CNTNAP3B: variants seen among roughly 807,000 people sequenced by gnomAD.
CNTNAP3B encodes contactin-associated protein-like 3B.
CNTNAP3B carries 25 observed loss-of-function variants against 108.9 expected under a neutral mutation model. The ratio of observed to expected loss-of-function variants is 0.23; its 90% confidence interval spans 0.17 to 0.32. CNTNAP3B has a LOEUF of 0.32. Among genes scored for constraint, CNTNAP3B ranks in the 10% least tolerant of loss-of-function variants. The pLI, the probability that CNTNAP3B is intolerant of heterozygous loss-of-function variation, is 1.00. For missense variants in CNTNAP3B, 252 were observed against 1,210.4 expected (o/e 0.21, Z 11.75); for synonymous variants, 103 against 473.4 (o/e 0.22, Z 10.16).
chr9:42,054,764 C>G (rs1827027584), intron 3 of CNTNAP3B, among the ~76,000 whole-genome samples: 2 of 151,660 alleles, frequency 1.3e-5, no homozygotes, highest in South Asian at 4.2e-4. Context: ...GTTACATCCA[C>G]TAATAAATGT....
At position 42,117,854 on chromosome 9, in the gene CNTNAP3B, G is replaced by A. The variant is rs1440278087; in HGVS notation, c.85+11156C>T. 5.0e-5 allele frequency among the ~76,000 whole-genome samples: 7 copies of A among 138,738 alleles called. 1 individual carries two copies. The highest frequency in any genetic ancestry group is 2.3e-4 in the South Asian group (1 of 4,266). 91.0% of individuals were successfully genotyped at this position (138,738 alleles called of 152,430 possible). Reference sequence around the variant, plus strand: ...AAATGACAAAGGGGATATCACCACCGATCCCACAGAAATACAAACTACCAT... The same window carrying A: ...AAATGACAAAGGGGATATCACCACCAATCCCACAGAAATACAAACTACCAT... On this transcript the variant is annotated intron_variant, in intron 1 of 23. Transcript: ENST00000377561.
chr9:41,969,679 G>A (rs1396601339), intron 10 of CNTNAP3B, among the ~76,000 whole-genome samples: 1 of 151,634 alleles, frequency 6.6e-6, no homozygotes, highest in Non-Finnish European at 1.5e-5. Flanking sequence ...GTGCAGTGGC[G>A]CGATCTCTGC....
intron 14 of CNTNAP3B, among the ~76,000 whole-genome samples, chr9:41,935,337 G>T (rs1383273441): frequency 6.6e-6 from 1 of 152,214 alleles, no homozygotes; most frequent in African/African-American, 2.4e-5. Flanking sequence ...CCCCATTAAC[G>T]GACATATGCC....
intron 13 of CNTNAP3B, among the ~76,000 whole-genome samples, chr9:41,942,877 C>T (rs1431974094): frequency 6.6e-6 from 1 of 152,198 alleles, no homozygotes; most frequent in Non-Finnish European, 1.5e-5. Context: ...TAACTACTAA[C>T]CAGATAAACA....
At chr9:41,935,631 A>T (rs569244205) in intron 14 of CNTNAP3B, among the ~76,000 whole-genome samples, 26 of 152,352 alleles carry the variant, frequency 1.7e-4, no homozygotes, top group South Asian at 8.3e-4. Context: ...ACACACCCCC[A>T]CATTTACAAA....
intron 17 of CNTNAP3B, among the ~76,000 whole-genome samples, chr9:41,920,992 A>T (rs1823651871): frequency 6.6e-6 from 1 of 152,304 alleles, no homozygotes; most frequent in Admixed American, 6.5e-5. Flanking sequence ...CTGTGTAGTG[A>T]CAAACACCAT....
At chr9:42,063,954 T>C (rs1827219770) in intron 3 of CNTNAP3B, among the ~76,000 whole-genome samples, 1 of 148,210 alleles carries the variant, frequency 6.7e-6, no homozygotes, top group Non-Finnish European at 1.5e-5. Flanking sequence ...TCCATACTTT[T>C]AAGTTTTGTT....
At chr9:41,967,422 A>C (rs187772115) in intron 10 of CNTNAP3B, among the ~76,000 whole-genome samples, 374 of 150,656 alleles carry the variant, frequency 2.5e-3, no homozygotes, top group Non-Finnish European at 4.1e-3. Flanking sequence ...TATCATTGTG[A>C]GGTCTCCCCA....
At chr9:41,930,933 C>A (rs938849096) in intron 14 of CNTNAP3B, among the ~76,000 whole-genome samples, 1 of 152,152 alleles carries the variant, frequency 6.6e-6, no homozygotes, top group Admixed American at 6.5e-5. Flanking sequence ...TAATAAAATG[C>A]TTATATTTAT....
chr9:41,965,149 T>G (rs1249616969), intron 10 of CNTNAP3B, among the ~76,000 whole-genome samples: 1 of 152,300 alleles, frequency 6.6e-6, no homozygotes, highest in African/African-American at 2.4e-5. Flanking sequence ...CAGTCGGTTA[T>G]TGCTTTTTAA....
chr9:41,935,782 G>A (rs1248735787), intron 14 of CNTNAP3B, among the ~76,000 whole-genome samples: 1 of 152,278 alleles, frequency 6.6e-6, no homozygotes, highest in Admixed American at 6.5e-5. Context: ...GAATGTAGGA[G>A]GGGAGTTAAT....
intron 14 of CNTNAP3B, among the ~76,000 whole-genome samples, chr9:41,932,761 GC>G (rs1824019417): frequency 6.6e-6 from 1 of 151,890 alleles, no homozygotes; most frequent in African/African-American, 2.4e-5. Flanking sequence ...TTCATGATCT[GC>G]CCGCCTTGGC....
chr9:42,000,209 CA>C (rs1488690746), intron 4 of CNTNAP3B, among the ~76,000 whole-genome samples: 1 of 114,900 alleles, frequency 8.7e-6, no homozygotes, highest in Non-Finnish European at 1.8e-5. Flanking sequence ...AATGTACTTA[CA>C]AGGAATTAAT....
chr9:41,926,462 AT>A (rs1823822155), intron 15 of CNTNAP3B, among the ~76,000 whole-genome samples: 1 of 152,296 alleles, frequency 6.6e-6, no homozygotes, highest in South Asian at 2.1e-4. Flanking sequence ...TCATTAATCA[AT>A]TTATTTATTT....
intron 3 of CNTNAP3B, among the ~76,000 whole-genome samples, chr9:42,053,804 C>T (rs1409923524): frequency 8.3e-5 from 12 of 143,806 alleles, no homozygotes; most frequent in African/African-American, 1.3e-4. Flanking sequence ...AGAAGAAAGC[C>T]GGATTAAAGT....
chr9:41,928,666 T>A (rs1323433325), intron 15 of CNTNAP3B, among the ~76,000 whole-genome samples: 3 of 152,204 alleles, frequency 2.0e-5, no homozygotes, highest in African/African-American at 7.2e-5. Flanking sequence ...ATACATTTAG[T>A]CTCAGACTTC....
chr9:42,054,412 T>TA (rs1827016678), intron 3 of CNTNAP3B, among the ~76,000 whole-genome samples: 1 of 151,016 alleles, frequency 6.6e-6, no homozygotes, highest in African/African-American at 2.5e-5. Context: ...TCAAGATACT[T>TA]AGATATCAGC....
Position 41,920,617 on chromosome 9 carries a change from T to C in CNTNAP3B, c.2756-308A>G, listed in dbSNP as rs1402942646. ...GTTCCTTTACAAAGAACAAAATACATAATATAAACCACATCAAACACTATT... is the reference window on the plus strand; with the variant it reads ...GTTCCTTTACAAAGAACAAAATACACAATATAAACCACATCAAACACTATT... On this transcript the variant is annotated intron_variant, in intron 17 of 23. Transcript: ENST00000377561. Among the ~76,000 whole-genome samples the C allele has an allele frequency of 9.8e-5, 15 of 152,386 alleles. No individual in the cohort carries two copies. In the East Asian group the frequency reaches 2.7e-3, roughly 28 times the overall value.
intron 3 of CNTNAP3B, among the ~76,000 whole-genome samples, chr9:42,054,550 A>G (rs988446028): frequency 1.3e-5 from 2 of 151,744 alleles, no homozygotes; most frequent in African/African-American, 4.9e-5. Context: ...GTTAGGGGCT[A>G]TTTTAGAAAC....
Sources: allele counts gnomAD v4.1 joint callset (sites outside exome capture counted in the v4.1 genomes callset), GRCh38; gene constraint gnomAD v4.1.1; transcripts MANE v1.5; gene names NCBI Gene and HGNC (gene_info 2026-07-23, HGNC 2026-07-21).